The following ZDHHC15 variants were observed in gnomAD, a reference collection of about 807,000 sequenced individuals.
ZDHHC15 encodes the protein palmitoyltransferase ZDHHC15.
Under a neutral mutation model 31.7 loss-of-function variants are expected in ZDHHC15, and 19 were observed. The ratio of observed to expected loss-of-function variants is 0.60; its 90% CI spans 0.42 to 0.88. ZDHHC15 has a LOEUF of 0.88. ZDHHC15 is among the 40% of genes least tolerant of loss of function. ZDHHC15 has a pLI of 0.00. For synonymous variants in ZDHHC15, 103 were observed against 90.0 expected (o/e 1.14, Z -0.82); for missense variants, 209 against 251.2 (o/e 0.83, Z 1.14).
At chrX:75,404,007 T>C (rs952157365) in intron 10 of ZDHHC15, among the ~76,000 whole-genome samples, 1 of 111,806 alleles carries the variant, frequency 8.9e-6, no homozygotes, top group Non-Finnish European at 1.9e-5. Flanking sequence ...AAAAACAGCA[T>C]AGTACTGGTA....
intron 4 of ZDHHC15, among the ~76,000 whole-genome samples, chrX:75,436,141 T>A (rs1253094906): frequency 8.9e-6 from 1 of 111,783 alleles, no homozygotes; most frequent in African/African-American, 3.2e-5. Flanking sequence ...AATGTGTCCT[T>A]AGTTGCCTTG....
At chrX:75,410,058 A>G (rs2083468026) in intron 10 of ZDHHC15, among the ~76,000 whole-genome samples, 1 of 111,370 alleles carries the variant, frequency 9.0e-6, no homozygotes, top group Non-Finnish European at 1.9e-5. Context: ...AACTAGACCC[A>G]TATCTCTCTC....
chrX:75,474,580 A>ATAATT (rs1218679486), intron 3 of ZDHHC15, among the ~76,000 whole-genome samples: 12 of 101,358 alleles, frequency 1.2e-4, no homozygotes, highest in Middle Eastern at 5.0e-3. Flanking sequence ...TTATACACAC[A>ATAATT]CACACACACA....
intron 4 of ZDHHC15, among the ~76,000 whole-genome samples, chrX:75,434,837 A>G (rs1421630219): frequency 1.8e-5 from 2 of 111,866 alleles, no homozygotes; most frequent in African/African-American, 3.3e-5. Flanking sequence ...ATAGTTTCAC[A>G]TGAATTTTAG....
At chrX:75,395,884 C>T (rs766255374) in intron 10 of ZDHHC15, among the ~76,000 whole-genome samples, 1 of 111,865 alleles carries the variant, frequency 8.9e-6, no homozygotes, top group Non-Finnish European at 1.9e-5. Context: ...GCCAAGAATA[C>T]TCACTGGGAA....
chrX:75,472,828 T>A (rs2084524918), intron 3 of ZDHHC15, among the ~76,000 whole-genome samples: 1 of 111,785 alleles, frequency 8.9e-6, no homozygotes, highest in Admixed American at 9.4e-5. Flanking sequence ...CACTGCTGAG[T>A]GCCCAATTTT....
chrX:75,421,402 T>TATATATATA (rs1300194060), intron 9 of ZDHHC15, among the ~76,000 whole-genome samples: 221 of 8,069 alleles, frequency 0.027, 16 homozygotes, highest in Non-Finnish European at 0.05. Flanking sequence ...ATATATATTA[T>TATATATATA]ATATATATAA....
At chrX:75,518,806 T>TACACAC (rs57864438) in intron 1 of ZDHHC15, among the ~76,000 whole-genome samples, 1 of 22,901 alleles carries the variant, frequency 4.4e-5, no homozygotes, top group Non-Finnish European at 7.0e-5. Flanking sequence ...TATATATATA[T>TACACAC]ACACACACAC....
chrX:75,503,368 T>C (rs1602746910), intron 2 of ZDHHC15, among the ~76,000 whole-genome samples: 1 of 111,180 alleles, frequency 9.0e-6, no homozygotes, highest in East Asian at 2.8e-4. Flanking sequence ...TCATAAGGAA[T>C]TATAATCCTG....
intron 3 of ZDHHC15, among the ~76,000 whole-genome samples, chrX:75,451,679 G>C (rs2084120901): frequency 1.8e-5 from 2 of 111,898 alleles, no homozygotes; most frequent in African/African-American, 6.5e-5. Context: ...TGCAAAATCA[G>C]ACATTCTCAA....
At chrX:75,502,828 A>G (rs1337812796) in intron 2 of ZDHHC15, among the ~76,000 whole-genome samples, 4 of 111,373 alleles carry the variant, frequency 3.6e-5, no homozygotes, top group Non-Finnish European at 7.6e-5. Context: ...TCTATGCAAT[A>G]TATTTATGAA....
At chrX:75,376,529 T>A (rs918233012) in intron 11 of ZDHHC15, among the ~76,000 whole-genome samples, 1 of 111,509 alleles carries the variant, frequency 9.0e-6, no homozygotes, top group Non-Finnish European at 1.9e-5. Flanking sequence ...ATTTTTATAG[T>A]TTGAAGTCTT....
At chrX:75,481,108 T>G (rs1016375557) in intron 2 of ZDHHC15, among the ~76,000 whole-genome samples, 1 of 111,467 alleles carries the variant, frequency 9.0e-6, no homozygotes, top group Non-Finnish European at 1.9e-5. Flanking sequence ...TTTAAATTTT[T>G]TTTTAATGTG....
intron 10 of ZDHHC15, among the ~76,000 whole-genome samples, chrX:75,415,659 C>A (rs1230308353): frequency 8.9e-6 from 1 of 111,787 alleles, no homozygotes; most frequent in African/African-American, 3.3e-5. Context: ...AATAACACTG[C>A]CTATCTAACC....
chrX:75,391,710 T>G (rs2083244229), intron 10 of ZDHHC15, among the ~76,000 whole-genome samples: 1 of 112,134 alleles, frequency 8.9e-6, no homozygotes, highest in Admixed American at 9.4e-5. Flanking sequence ...TAAGAAATGC[T>G]AAAAGGAGTT....
chrX:75,499,696 C>T (rs1693003996), intron 2 of ZDHHC15, among the ~76,000 whole-genome samples: 1 of 111,928 alleles, frequency 8.9e-6, no homozygotes, highest in Non-Finnish European at 1.9e-5. Flanking sequence ...ACTATTACAA[C>T]CACTATGGAA....
intron 3 of ZDHHC15, among the ~76,000 whole-genome samples, 185 bp downstream of exon 3, chrX:75,478,706 G>C (rs1326350914): frequency 9.0e-6 from 1 of 111,589 alleles, no homozygotes; most frequent in East Asian, 2.8e-4. Context: ...GATATCCAGA[G>C]CTGGTGATTT....
chrX:75,475,646 G>A (rs1376548609), intron 3 of ZDHHC15, among the ~76,000 whole-genome samples: 2 of 112,058 alleles, frequency 1.8e-5, no homozygotes, highest in African/African-American at 6.5e-5. Flanking sequence ...CTGAAATCAG[G>A]AAGTGTGAAG....
At position 75,523,014 on chromosome X, in the gene ZDHHC15, C is replaced by A. The variant is rs1436535040; in HGVS notation, c.11G>T (p.Gly4Val). Reference sequence around the variant, plus strand: ...CCCCCCAGACAGAGCCATCTTCCAGCCTCGCCGCATCTTTGGCTCGAAGAT... The same window carrying A: ...CCCCCCAGACAGAGCCATCTTCCAGACTCGCCGCATCTTTGGCTCGAAGAT... MRR[G>V]WKMALSGGLR... The change falls in exon 1 of 12, where the codon GGC (glycine) becomes GTC (valine). Residue 4 changes from glycine (G) to valine (V), a missense_variant. Coordinates refer to ENST00000373367, the MANE Select transcript of ZDHHC15 (RefSeq NM_144969.3). 8.3e-7 allele frequency: 1 copy of A among 1,208,927 alleles called. No individual in the cohort carries two copies. Among genetic ancestry groups the A allele is most frequent in the Admixed American group, 2.2e-5 (1 of 45,721 alleles).
Sources: gnomAD v4.1 joint callset for allele counts (sites outside exome capture counted in the v4.1 genomes callset) on GRCh38, gnomAD v4.1.1 for gene constraint, MANE v1.5 for transcripts, NCBI Gene and HGNC (gene_info 2026-07-23, HGNC 2026-07-21) for gene names.